The following SHISA6 variants were observed in gnomAD, a reference collection of about 807,000 sequenced individuals.
The protein encoded by SHISA6 is shisa family member 6.
Under a neutral mutation model 47.9 loss-of-function variants are expected in SHISA6, and 22 were observed. The ratio of observed to expected loss-of-function variants is 0.46; its 90% CI spans 0.33 to 0.66. The LOEUF (loss-of-function observed/expected upper bound fraction) is 0.66. Ranked by LOEUF, SHISA6 falls within the 30% of genes least tolerant of loss-of-function variation. The probability of loss-of-function intolerance (pLI) is 0.02; values close to 1 mark genes in which losing one functional copy is unlikely to be tolerated. For missense variants in SHISA6, 680 were observed against 764.6 expected, an observed-to-expected ratio of 0.89 and a Z score of 1.30; for synonymous variants, 388 against 337.8, an observed-to-expected ratio of 1.15 and a Z score of -1.63.
rs140160225 is a variant in SHISA6 at position 11,492,833 on chromosome 17, C to T, written c.896-59063C>T. Among the ~76,000 whole-genome samples, 353 of 152,238 alleles carry T rather than the reference C, an allele frequency of 2.3e-3. 1 individual carries two copies. The highest frequency in any genetic ancestry group is 7.8e-3 in the African/African-American group (324 of 41,544). ...TTCCCAAGCCCCAATCCCCACTTCT[C>T]CTCCCTCTCATCATGTTGCTTGTTT... On this transcript the variant is annotated intron_variant, in intron 3 of 5. Coordinates refer to ENST00000441885, the MANE Select transcript of SHISA6 (RefSeq NM_207386.4).
chr17:11,373,322 C>T (rs142712560), intron 2 of SHISA6, among the ~76,000 whole-genome samples: 118 of 152,132 alleles, frequency 7.8e-4, no homozygotes, highest in African/African-American at 2.7e-3. Flanking sequence ...GTAACAGCCA[C>T]TTAACCAAAA....
chr17:11,242,107 C>G, intron 1 of SHISA6, 47 bp downstream of exon 1: 1 of 1,545,854 alleles, frequency 6.5e-7, no homozygotes, highest in Non-Finnish European at 8.7e-7. Flanking sequence ...GCGGCCTCAC[C>G]CTCTCAGCTT....
chr17:11,558,123 T>C lies in SHISA6; in HGVS notation c.1475T>C (p.Met492Thr). ...ACACCCGTGCTGGACCGCTACCGCA[T>C]GAGCAAGATGCACTCTCATCCCAGT... ...VSTPVLDRYR[M>T]SKMHSHPSAS... The change falls in exon 6 of 6, where the codon ATG becomes ACG. Residue 492 changes from methionine to threonine, a missense_variant. Met to Thr is a moderately conservative substitution (Grantham distance 81, BLOSUM62 -1). Around this residue, in one of 2 missense-constraint regions of SHISA6, gnomAD observed 559 missense variants for 674.1 expected, o/e 0.83. Coordinates refer to ENST00000441885, the MANE Select transcript of SHISA6 (RefSeq NM_207386.4). 2.6e-6 allele frequency: 4 copies of C among 1,551,334 alleles called. No individual in the cohort carries two copies. Among genetic ancestry groups the C allele is most frequent in the Non-Finnish European group, 3.5e-6 (4 of 1,147,006 alleles).
At chr17:11,441,671 G>A (rs918008908) in intron 3 of SHISA6, among the ~76,000 whole-genome samples, 5 of 152,170 alleles carry the variant, frequency 3.3e-5, no homozygotes, top group South Asian at 4.1e-4. Context: ...ATTTGAGATT[G>A]AAGCCCAAAA....
intron 2 of SHISA6, among the ~76,000 whole-genome samples, chr17:11,322,528 A>G (rs868256477): frequency 1.1e-4 from 17 of 152,330 alleles, no homozygotes; most frequent in Non-Finnish European, 1.8e-4. Flanking sequence ...AATAATCTTA[A>G]CTTAGAACAG....
intron 2 of SHISA6, among the ~76,000 whole-genome samples, chr17:11,314,215 A>G (rs4792127): frequency 0.33 from 50,661 of 152,004 alleles, 9,994 homozygotes; most frequent in Middle Eastern, 0.5. Flanking sequence ...GTTGATTATA[A>G]CCTATTTCAT....
At chr17:11,269,805 G>T (rs973205429) in intron 2 of SHISA6, among the ~76,000 whole-genome samples, 3 of 152,094 alleles carry the variant, frequency 2.0e-5, no homozygotes, top group African/African-American at 7.2e-5. Context: ...GGCACACAGG[G>T]GTCACTTAAG....
At chr17:11,328,596 GTGT>G (rs1910992089) in intron 2 of SHISA6, among the ~76,000 whole-genome samples, 1 of 152,196 alleles carries the variant, frequency 6.6e-6, no homozygotes, top group Admixed American at 6.5e-5. Context: ...TTGCGTGTGT[GTGT>G]TGTTAAGTCT....
At chr17:11,498,834 C>G (rs2071428247) in intron 3 of SHISA6, among the ~76,000 whole-genome samples, 1 of 152,106 alleles carries the variant, frequency 6.6e-6, no homozygotes, top group African/African-American at 2.4e-5. Flanking sequence ...AGCCTGTATC[C>G]CCATAACAAC....
At chr17:11,335,969 G>A (rs1200976940) in intron 2 of SHISA6, among the ~76,000 whole-genome samples, 1 of 152,022 alleles carries the variant, frequency 6.6e-6, no homozygotes, top group African/African-American at 2.4e-5. Context: ...GGCCAAGGCA[G>A]GTGGATTGTT....
chr17:11,471,938 T>C (rs11650609), intron 3 of SHISA6, among the ~76,000 whole-genome samples: 26,722 of 152,128 alleles, frequency 0.18, 2,543 homozygotes, highest in East Asian at 0.29. Flanking sequence ...CCTACATTTA[T>C]AGACCATTAT....
chr17:11,364,979 T>G (rs552044934), intron 2 of SHISA6, among the ~76,000 whole-genome samples: 20 of 152,264 alleles, frequency 1.3e-4, no homozygotes, highest in Non-Finnish European at 2.5e-4. Context: ...CCCTAGGTCT[T>G]CTATTCATGA....
intron 3 of SHISA6, among the ~76,000 whole-genome samples, chr17:11,542,350 C>G (rs1426257599): frequency 2.1e-5 from 3 of 143,854 alleles, no homozygotes; most frequent in Non-Finnish European, 4.5e-5. Context: ...AAAAAAAAAG[C>G]CTGTCAACCA....
intron 2 of SHISA6, among the ~76,000 whole-genome samples, chr17:11,356,688 G>A (rs917710047): frequency 6.6e-6 from 1 of 152,134 alleles, no homozygotes; most frequent in Non-Finnish European, 1.5e-5. Flanking sequence ...TCATTCAGCT[G>A]TGTGGCACAC....
At chr17:11,528,662 T>C (rs1454762634) in intron 3 of SHISA6, among the ~76,000 whole-genome samples, 1 of 151,950 alleles carries the variant, frequency 6.6e-6, no homozygotes, top group African/African-American at 2.4e-5. Flanking sequence ...CTGGCTGATA[T>C]TTATGTGCAC....
At position 11,336,861 on chromosome 17, in the gene SHISA6, G is replaced by A. The variant is rs151193307; in HGVS notation, c.800-42553G>A. 6.8e-4 allele frequency among the ~76,000 whole-genome samples: 104 copies of A among 152,326 alleles called. 1 individual carries two copies. Among genetic ancestry groups the A allele is most frequent in the African/African-American group, 2.3e-3 (94 of 41,568 alleles). ...TTCCAGAAAGTCATTAAGCAGACCT[G>A]TGTGGGAGCTGCCCCAGCGTCCGAA... is the stretch of plus-strand genomic sequence containing the variant. On this transcript the variant is annotated intron_variant, in intron 2 of 5. Transcript: ENST00000441885.
At chr17:11,377,923 T>C (rs1457808146) in intron 2 of SHISA6, among the ~76,000 whole-genome samples, 1 of 152,224 alleles carries the variant, frequency 6.6e-6, no homozygotes, top group Non-Finnish European at 1.5e-5. Context: ...AGTTTCAGCA[T>C]ACATGTGCAG....
At chr17:11,543,072 C>A (rs1279572010) in intron 3 of SHISA6, among the ~76,000 whole-genome samples, 1 of 152,130 alleles carries the variant, frequency 6.6e-6, no homozygotes, top group Non-Finnish European at 1.5e-5. Context: ...TTTAAAATTT[C>A]ATTATCAAGA....
At chr17:11,470,493 A>G (rs1158630791) in intron 3 of SHISA6, among the ~76,000 whole-genome samples, 1 of 152,168 alleles carries the variant, frequency 6.6e-6, no homozygotes, top group Non-Finnish European at 1.5e-5. Flanking sequence ...CAAGACCCCA[A>G]GGTCACCCCA....
Sources: allele counts gnomAD v4.1 joint callset (sites outside exome capture counted in the v4.1 genomes callset), GRCh38; gene constraint gnomAD v4.1.1; regional missense constraint gnomAD v4.1.1; transcripts MANE v1.5; gene names NCBI Gene and HGNC (gene_info 2026-07-23, HGNC 2026-07-21).